Variants in VPS13A observed in about 807,000 individuals in gnomAD.
VPS13A encodes intermembrane lipid transfer protein VPS13A.
Under a neutral mutation model 390.9 loss-of-function variants are expected in VPS13A, and 264 were observed. The ratio of observed to expected loss-of-function variants is 0.68; its 90% CI spans 0.61 to 0.75. The LOEUF (loss-of-function observed/expected upper bound fraction) is 0.75, where lower values mean the gene tolerates loss of function less well. Ranked by LOEUF, VPS13A falls within the 30% of genes least tolerant of loss-of-function variation. The pLI, the probability that VPS13A is intolerant of heterozygous loss-of-function variation, is 0.00. For synonymous variants in VPS13A, 1,231 were observed against 1,227.1 expected (o/e 1.00, Z -0.07); for missense variants, 3,409 against 3,733.9 (o/e 0.91, Z 2.27).
At chr9:77,253,679 C>T (rs965690294) in intron 22 of VPS13A, among the ~76,000 whole-genome samples, 6 of 152,136 alleles carry the variant, frequency 3.9e-5, no homozygotes, top group Non-Finnish European at 7.4e-5. Flanking sequence ...TATTTTTTCT[C>T]ACTCTGTGTT....
At chr9:77,222,272 C>G (rs1310292709) in intron 13 of VPS13A, among the ~76,000 whole-genome samples, 1 of 152,034 alleles carries the variant, frequency 6.6e-6, no homozygotes, top group African/African-American at 2.4e-5. Flanking sequence ...AACCTGAGTC[C>G]TCCAAGTCTG....
intron 8 of VPS13A, 99 bp from the exon 9 acceptor site, chr9:77,213,133 ACT>A (rs1826064821): frequency 6.5e-7 from 1 of 1,539,906 alleles, no homozygotes; most frequent in African/African-American, 1.4e-5. Flanking sequence ...TATTTGTTTA[ACT>A]CTGTGATATG....
chr9:77,370,679 A>G (rs572328082), intron 65 of VPS13A, 101 bp downstream of exon 65: 2 of 1,540,268 alleles, frequency 1.3e-6, no homozygotes, highest in African/African-American at 1.4e-5. Flanking sequence ...TCCTTAAATT[A>G]TTATTTGGAT....
intron 44 of VPS13A, among the ~76,000 whole-genome samples, chr9:77,322,403 CA>C (rs1829799707): frequency 1.3e-5 from 2 of 151,812 alleles, no homozygotes; most frequent in South Asian, 4.1e-4. Flanking sequence ...TTGAGGAGGG[CA>C]TCATTTAAAA....
In VPS13A at chr9:77,315,390, T is replaced by C. The variant is rs1829327586; in HGVS notation, c.4550T>C (p.Val1517Ala). ...ICASVEFLQT[V>A]ANVFLEAYTT... ...GCAAGCGTAGAATTTCTGCAGACTGTTGCAAATGTCTTTCTTGAGGCCTAC... is the reference window on the plus strand; with the variant it reads ...GCAAGCGTAGAATTTCTGCAGACTGCTGCAAATGTCTTTCTTGAGGCCTAC... The change falls in exon 38 of 72, where the codon GTT (valine) becomes GCT (alanine). Residue 1517 changes from valine to alanine, a missense_variant. Val to Ala is a moderately conservative substitution (Grantham distance 64, BLOSUM62 0). Around this residue, in one of 5 missense-constraint regions of VPS13A, gnomAD observed 2,717 missense variants for 2,917.4 expected, o/e 0.93. Coordinates refer to ENST00000360280, the MANE Select transcript of VPS13A (RefSeq NM_033305.3). 6.2e-7 allele frequency: 1 copy of C among 1,613,962 alleles called. No homozygotes were observed. The highest frequency in any genetic ancestry group is 8.5e-7 in the Non-Finnish European group (1 of 1,179,866).
intron 1 of VPS13A, among the ~76,000 whole-genome samples, chr9:77,199,266 G>A (rs62573166): frequency 0.2 from 30,878 of 151,974 alleles, 3,335 homozygotes; most frequent in Middle Eastern, 0.26. Flanking sequence ...TTCTAGGCTT[G>A]TGTGATCCTC....
At chr9:77,178,385 G>T (rs975047726) in intron 1 of VPS13A, among the ~76,000 whole-genome samples, 2 of 152,242 alleles carry the variant, frequency 1.3e-5, no homozygotes, top group African/African-American at 4.8e-5. Context: ...GGACCCGGAC[G>T]CCGGCTCTCT....
chr9:77,198,337 T>G lies in VPS13A; in HGVS notation c.101-1608T>G, dbSNP rs560706129. On this transcript the variant is annotated intron_variant, in intron 1 of 71. Transcript: ENST00000360280. ...TATAAACTGTCATAATTTATTGTTC[T>G]GTTATGAATGCCTGCTGCTCCAGTC... Among the ~76,000 whole-genome samples, 10 of 152,318 alleles carry G rather than the reference T, an allele frequency of 6.6e-5. No individual in the cohort carries two copies. In the South Asian group the frequency reaches 2.1e-3, roughly 32 times the overall value.
intron 68 of VPS13A, among the ~76,000 whole-genome samples, chr9:77,396,793 A>G (rs1413451548): frequency 6.6e-6 from 1 of 152,306 alleles, no homozygotes. Context: ...GGCAGTATTT[A>G]CCATTTTACA....
At chr9:77,361,799 C>T (rs1255283273) in intron 59 of VPS13A, among the ~76,000 whole-genome samples, 1 of 151,892 alleles carries the variant, frequency 6.6e-6, no homozygotes, top group African/African-American at 2.4e-5. Context: ...TCCATATTAT[C>T]CCCAACACTT....
intron 56 of VPS13A, 124 bp downstream of exon 56, chr9:77,357,962 T>C: frequency 1.0e-6 from 1 of 988,306 alleles, no homozygotes; most frequent in Non-Finnish European, 1.4e-6. Flanking sequence ...CTTTTTTTTT[T>C]TTTTTTTTTT....
intron 5 of VPS13A, among the ~76,000 whole-genome samples, chr9:77,208,307 T>C (rs775403952): frequency 2.6e-5 from 4 of 152,156 alleles, no homozygotes; most frequent in Non-Finnish European, 5.9e-5. Flanking sequence ...ATCTTCAGCT[T>C]TCCTTTATCT....
Position 77,383,565 on chromosome 9 carries a change from A to G in VPS13A, c.9189+1478A>G, listed in dbSNP as rs139367543. ...TAAGGATGAGTGTTGAGGAGAGTTT[A>G]GGAATATATCCTCATTATAAGTGAG... On this transcript the variant is annotated intron_variant, in intron 68 of 71. Transcript: ENST00000360280. Among the ~76,000 whole-genome samples, 689 of 152,202 alleles carry G rather than the reference A, an allele frequency of 4.5e-3. 7 individuals are homozygous for G. The highest frequency in any genetic ancestry group is 0.016 in the African/African-American group (650 of 41,584).
chr9:77,320,468 G>C (rs550725815), intron 42 of VPS13A, among the ~76,000 whole-genome samples: 30 of 152,208 alleles, frequency 2.0e-4, no homozygotes, highest in African/African-American at 7.2e-4. Context: ...TGAAGCAAGA[G>C]ACTGCAGAAT....
intron 68 of VPS13A, among the ~76,000 whole-genome samples, chr9:77,402,943 G>A (rs1366646985): frequency 6.6e-6 from 1 of 152,178 alleles, no homozygotes; most frequent in East Asian, 1.9e-4. Context: ...TAAAGTCACT[G>A]TAATAGTTAA....
chr9:77,382,872 C>G (rs978006627), intron 68 of VPS13A: 5 of 985,236 alleles, frequency 5.1e-6, no homozygotes, highest in African/African-American at 1.7e-5. Flanking sequence ...AACTTTCTTA[C>G]TTGGTAAATT....
Position 77,314,073 on chromosome 9 carries a change from A to G in VPS13A, c.4196A>G (p.Lys1399Arg). The G allele has an allele frequency of 1.2e-6, 2 of 1,613,410 alleles. No homozygotes were observed. Among genetic ancestry groups the G allele is most frequent in the Non-Finnish European group, 1.7e-6 (2 of 1,179,594 alleles). The change falls in exon 36 of 72, where the codon AAA becomes AGA. Residue 1399 changes from lysine to arginine, a missense_variant. Transcript: ENST00000360280. Reference sequence around the variant, plus strand: ...AAGACAACACTAAACATAAGCTTCAAAACTGATGATCTCACCATGGTGCTG... The same window carrying G: ...AAGACAACACTAAACATAAGCTTCAGAACTGATGATCTCACCATGGTGCTG... Reference protein sequence around the residue: ...LVKTTLNISFKTDDLTMVLYS... With the variant: ...LVKTTLNISFRTDDLTMVLYS...
intron 10 of VPS13A, among the ~76,000 whole-genome samples, chr9:77,216,088 C>A (rs374007556): frequency 6.6e-6 from 1 of 152,174 alleles, no homozygotes; most frequent in Non-Finnish European, 1.5e-5. Flanking sequence ...CATACTGGAA[C>A]CAGGCAGCAT....
chr9:77,395,970 A>G (rs573831215), intron 68 of VPS13A: 164 of 152,308 alleles, frequency 1.1e-3, no homozygotes, highest in African/African-American at 3.9e-3. Context: ...TCTGAATTAT[A>G]CAGTATTTTA....
Sources: allele counts gnomAD v4.1 joint callset (sites outside exome capture counted in the v4.1 genomes callset), GRCh38; gene constraint gnomAD v4.1.1; regional missense constraint gnomAD v4.1.1; transcripts MANE v1.5; gene names NCBI Gene and HGNC (gene_info 2026-07-23, HGNC 2026-07-21).